The following NIN variants were observed in gnomAD, a reference collection of about 807,000 sequenced individuals.
The protein encoded by NIN is ninein, also known as glycogen synthase kinase 3 beta-interacting protein.
In NIN, 137 loss-of-function variants were observed where a neutral mutation model predicts 257.6. The observed-to-expected ratio is 0.53, with a 90% CI of 0.46 to 0.61. NIN has a LOEUF of 0.61. NIN is among the 20% of genes least tolerant of loss of function. The probability of loss-of-function intolerance (pLI) is 0.00; values close to 1 mark genes in which losing one functional copy is unlikely to be tolerated. For synonymous variants in NIN, 918 were observed against 919.8 expected, an observed-to-expected ratio of 1.00 and a Z score of 0.04; for missense variants, 2,439 against 2,501.2, an observed-to-expected ratio of 0.98 and a Z score of 0.53.
chr14:50,726,161 T>C (rs2040403286), intron 29 of NIN, 95 bp from the exon 30 acceptor site: 1 of 962,432 alleles, frequency 1.0e-6, no homozygotes, highest in Non-Finnish European at 1.6e-6. Context: ...GGACAGCAAA[T>C]GTTTTGCCTT....
rs1268606063 is a variant in NIN, at chr14:50,759,973, T to C, written c.2283A>G (p.Glu761=). The C allele has an allele frequency of 6.2e-7, 1 of 1,614,230 alleles. No homozygotes were observed. The highest frequency in any genetic ancestry group is 1.3e-5 in the African/African-American group (1 of 75,068). ...GCTGCTCCTGGTGAAACTGCTCTAG[T>C]TCCTGAGTCAAGCCTCTCACCTTCT... ...TEEKVRGLTQ[E]LEQFHQEQLT... Residue 761 remains glutamate, a synonymous_variant, in exon 17 of 31, where the codon GAA becomes GAG. Transcript: ENST00000530997.
At chr14:50,823,053 T>C (rs919817158) in intron 2 of NIN, 4 of 396,286 alleles carry the variant, frequency 1.0e-5, no homozygotes, top group East Asian at 5.6e-5. Context: ...CCACTGTCCT[T>C]AGGATCAGTA....
chr14:50,758,595 G>C lies in NIN; in HGVS notation c.2435C>G (p.Ser812Cys). 6.3e-7 allele frequency: 1 copy of C among 1,596,012 alleles called. No individual in the cohort carries two copies. The highest frequency in any genetic ancestry group is 2.2e-5 in the East Asian group (1 of 44,652). ...AGACTGAAACTGGGCTTCTATTTGA[G>C]AGGTTCTTCTATTACACTCTGTTTC... Reference protein sequence around the residue: ...KMETECNRRTSQIEAQFQSDC... With the variant: ...KMETECNRRTCQIEAQFQSDC... The change falls in exon 18 of 31, where the codon TCT becomes TGT. Residue 812 changes from serine to cysteine, a missense_variant. By Grantham distance (112) the Ser-to-Cys change is moderately radical (BLOSUM62 -1). This residue lies in a region of NIN where 2,043 missense variants were observed against 2,050.2 expected (regional missense o/e 1.00). Coordinates refer to ENST00000530997, the MANE Select transcript of NIN (RefSeq NM_020921.4).
intron 22 of NIN, among the ~76,000 whole-genome samples, chr14:50,745,438 T>A (rs2041494579): frequency 6.6e-6 from 1 of 152,212 alleles, no homozygotes; most frequent in Non-Finnish European, 1.5e-5. Context: ...GTTCATAGGT[T>A]TTTAACTTTC....
At chr14:50,737,334 T>G (rs2041028201) in intron 27 of NIN, among the ~76,000 whole-genome samples, 1 of 152,062 alleles carries the variant, frequency 6.6e-6, no homozygotes, top group Non-Finnish European at 1.5e-5. Flanking sequence ...GCTTGTAAAG[T>G]AGATCCTCTA....
At chr14:50,805,224 TCAGGCCCCC>T (rs2044270866) in intron 4 of NIN, among the ~76,000 whole-genome samples, 1 of 152,160 alleles carries the variant, frequency 6.6e-6, no homozygotes, top group Admixed American at 6.5e-5. Context: ...ATAGCTCTAT[TCAGGCCCCC>T]CAGATGTCGC....
chr14:50,798,075 A>T (rs552776591), intron 4 of NIN, among the ~76,000 whole-genome samples: 1 of 152,258 alleles, frequency 6.6e-6, no homozygotes, highest in African/African-American at 2.4e-5. Flanking sequence ...TTCTGACATG[A>T]TCTGCCTTTC....
At chr14:50,805,745 A>G (rs1038290920) in intron 4 of NIN, among the ~76,000 whole-genome samples, 9 of 152,216 alleles carry the variant, frequency 5.9e-5, no homozygotes, top group African/African-American at 2.2e-4. Flanking sequence ...TTATTGAGGT[A>G]TAATTTACAT....
At chr14:50,782,329 T>C (rs2043166881) in intron 5 of NIN, among the ~76,000 whole-genome samples, 1 of 152,194 alleles carries the variant, frequency 6.6e-6, no homozygotes, top group African/African-American at 2.4e-5. Flanking sequence ...TATGTGTAAA[T>C]ATGTACATGA....
At chr14:50,738,005 A>G (rs1157885294) in intron 27 of NIN, 135 bp downstream of exon 27, 18 of 835,976 alleles carry the variant, frequency 2.2e-5, no homozygotes, top group Middle Eastern at 3.5e-4. Context: ...TTTTGACAAG[A>G]TAACAGCATA....
intron 6 of NIN, among the ~76,000 whole-genome samples, chr14:50,778,056 G>A (rs1317665257): frequency 1.3e-5 from 2 of 152,206 alleles, no homozygotes; most frequent in Non-Finnish European, 2.9e-5. Context: ...GAAGTGGGCT[G>A]AGGTTCTGTT....
At chr14:50,770,670 A>G in intron 11 of NIN, 108 bp from the exon 12 acceptor site, 1 of 1,403,060 alleles carries the variant, frequency 7.1e-7, no homozygotes, top group Non-Finnish European at 9.8e-7. Context: ...GCACCTGGAT[A>G]AAATATCTAG....
intron 20 of NIN, among the ~76,000 whole-genome samples, chr14:50,754,120 C>T (rs2041920070): frequency 6.6e-6 from 1 of 152,216 alleles, no homozygotes; most frequent in Admixed American, 6.5e-5. Flanking sequence ...CACTGAATGG[C>T]ACCAGCTATC....
intron 27 of NIN, 38 bp downstream of exon 27, chr14:50,738,102 A>T: frequency 6.2e-7 from 1 of 1,605,778 alleles, no homozygotes; most frequent in South Asian, 1.1e-5. Context: ...CATTATAGTG[A>T]GAACACAGAT....
rs77959782 is a variant in NIN, at chr14:50,752,602, T to C, written c.4866A>G (p.Glu1622=). 3 of 1,614,096 alleles carry C rather than the reference T, an allele frequency of 1.9e-6. No individual in the cohort carries two copies. Among genetic ancestry groups the C allele is most frequent in the South Asian group, 2.2e-5 (2 of 91,080 alleles). The change falls in exon 21 of 31, where the codon GAA becomes GAG. Residue 1622 remains glutamate (E), a synonymous_variant. Coordinates refer to ENST00000530997, the MANE Select transcript of NIN (RefSeq NM_020921.4). ...QRLTEMLCQK[E]KEPGNSALEE... ...CCAATGCACTGTTTCCTGGCTCTTT[T>C]TCCTTCTGGCATAGCATTTCTGTTA...
At chr14:50,825,600 A>G (rs2045423131) in intron 2 of NIN, among the ~76,000 whole-genome samples, 2 of 152,240 alleles carry the variant, frequency 1.3e-5, no homozygotes, top group South Asian at 4.1e-4. Flanking sequence ...CCAAGGAGAC[A>G]GCATTAATCT....
chr14:50,737,399 C>T (rs55788349), intron 27 of NIN, among the ~76,000 whole-genome samples: 30,681 of 150,300 alleles, frequency 0.2, 3,829 homozygotes, highest in South Asian at 0.34. Context: ...AGACTGCATC[C>T]TCATGAGAGC....
At chr14:50,747,922 T>G in intron 22 of NIN, 70 bp downstream of exon 22, 1 of 1,016,288 alleles carries the variant, frequency 9.8e-7, no homozygotes, top group Non-Finnish European at 1.5e-6. Context: ...TGGTTAGAAA[T>G]ACCAGCCCAA....
chr14:50,771,825 A>G (rs527711777), intron 9 of NIN, among the ~76,000 whole-genome samples: 1 of 152,206 alleles, frequency 6.6e-6, no homozygotes, highest in Non-Finnish European at 1.5e-5. Context: ...GTCTCTACTA[A>G]AAATACAAAA....
Sources: allele counts gnomAD v4.1 joint callset (sites outside exome capture counted in the v4.1 genomes callset), GRCh38; gene constraint gnomAD v4.1.1; regional missense constraint gnomAD v4.1.1; transcripts MANE v1.5; gene names NCBI Gene and HGNC (gene_info 2026-07-23, HGNC 2026-07-21).